The following SEZ6L variants were observed in gnomAD, a reference collection of about 807,000 sequenced individuals.
SEZ6L encodes seizure related 6 homolog like.
Under a neutral mutation model 106.2 loss-of-function variants are expected in SEZ6L, and 37 were observed. That is an observed-to-expected ratio of 0.35 (90% CI 0.27 to 0.46). SEZ6L has a LOEUF of 0.46. SEZ6L is among the 20% of genes least tolerant of loss of function. SEZ6L has a pLI of 1.00. For synonymous variants in SEZ6L, 541 were observed against 570.4 expected (o/e 0.95, Z 0.73); for missense variants, 1,172 against 1,332.8 (o/e 0.88, Z 1.88).
intron 9 of SEZ6L, among the ~76,000 whole-genome samples, chr22:26,316,729 G>A (rs539104969): frequency 6.6e-6 from 1 of 152,088 alleles, no homozygotes; most frequent in East Asian, 1.9e-4. Context: ...CTATTTGGGA[G>A]GCTGAGGCAA....
chr22:26,324,064 C>CCCCACA (rs1556349353), intron 9 of SEZ6L, among the ~76,000 whole-genome samples: 2 of 140,272 alleles, frequency 1.4e-5, no homozygotes, highest in East Asian at 4.2e-4. Flanking sequence ...CAGTTTTTAA[C>CCCCACA]CACACACACA....
In SEZ6L at chr22:26,316,505, G is replaced by A. The variant is rs1235385818; in HGVS notation, c.2015+2603G>A. 2.4e-4 allele frequency among the ~76,000 whole-genome samples: 37 copies of A among 151,564 alleles called. 2 individuals carry two copies. The highest frequency in any genetic ancestry group is 2.4e-3 in the Admixed American group (37 of 15,262). On this transcript the variant is annotated intron_variant, in intron 9 of 16. Coordinates refer to ENST00000248933, the MANE Select transcript of SEZ6L (RefSeq NM_021115.5). ...GAGGAAGTAGCTTCTATAATAGCAT[G>A]AAAGAGAAGGTAGGCAGGTGACGAG...
intron 8 of SEZ6L, 57 bp downstream of exon 8, chr22:26,312,019 T>C: frequency 6.5e-7 from 1 of 1,545,078 alleles, no homozygotes; most frequent in Admixed American, 1.7e-5. Context: ...ACCCTTTGGA[T>C]GAGAAGACCA....
rs1395035614 is a variant in SEZ6L at position 26,381,886 on chromosome 22, G to A, written c.*1591G>A. 1 of 408,186 alleles carries A rather than the reference G, an allele frequency of 2.4e-6. No individual in the cohort carries two copies. Among genetic ancestry groups the A allele is most frequent in the African/African-American group, 2.1e-5 (1 of 48,350 alleles). The allele number at this position is 408,186 out of a possible 1,614,324, so 25.3% of individuals were successfully genotyped here. ...CCCATTCTCTCTGGAATTGTTTCAA[G>A]TCTGCTGGTTTTCAAACAAGAAAAG... On this transcript the variant is annotated 3_prime_UTR_variant, in exon 17 of 17. Coordinates refer to ENST00000248933, the MANE Select transcript of SEZ6L (RefSeq NM_021115.5).
At chr22:26,339,122 C>A (rs2082743387) in intron 9 of SEZ6L, among the ~76,000 whole-genome samples, 1 of 152,160 alleles carries the variant, frequency 6.6e-6, no homozygotes, top group East Asian at 1.9e-4. Flanking sequence ...TTTGTCCTTA[C>A]TTTCTCTGTC....
intron 1 of SEZ6L, among the ~76,000 whole-genome samples, chr22:26,279,413 G>T (rs1034467930): frequency 6.6e-6 from 1 of 152,152 alleles, no homozygotes; most frequent in Non-Finnish European, 1.5e-5. Flanking sequence ...GACATTGGAG[G>T]TGTTGAATCA....
chr22:26,178,532 G>A (rs1471426091), intron 1 of SEZ6L, among the ~76,000 whole-genome samples: 1 of 152,304 alleles, frequency 6.6e-6, no homozygotes. Flanking sequence ...CTGGAGATTA[G>A]AACAAGGTAG....
At chr22:26,324,103 A>ACAC (rs1569463232) in intron 9 of SEZ6L, among the ~76,000 whole-genome samples, 190 of 83,372 alleles carry the variant, frequency 2.3e-3, no homozygotes, top group Admixed American at 4.4e-3. Flanking sequence ...CACACACACA[A>ACAC]ACACACACAC....
At chr22:26,316,908 A>AGAAAAG in intron 9 of SEZ6L, among the ~76,000 whole-genome samples, 1 of 151,678 alleles carries the variant, frequency 6.6e-6, no homozygotes, top group Admixed American at 6.6e-5. Flanking sequence ...GAAAGAAGAA[A>AGAAAAG]GAAAGAAAGA....
Position 26,278,776 on chromosome 22 carries a change from AGAAG to A in SEZ6L, c.95-13616_95-13613del, listed in dbSNP as rs761445185. Among the ~76,000 whole-genome samples, 275 of 151,732 alleles carry A rather than the reference AGAAG, an allele frequency of 1.8e-3. 2 individuals carry two copies. The highest frequency in any genetic ancestry group is 2.9e-3 in the Non-Finnish European group (197 of 67,888). ...AAAAGAAGGGGAAAGAAAGAAGGAA[AGAAG>A]GAAGGAAGGAAGGGAGGGAGGAAGG... On this transcript the variant is annotated intron_variant, in intron 1 of 16. Coordinates refer to ENST00000248933, the MANE Select transcript of SEZ6L (RefSeq NM_021115.5).
At chr22:26,321,891 G>T (rs984321913) in intron 9 of SEZ6L, among the ~76,000 whole-genome samples, 2 of 152,214 alleles carry the variant, frequency 1.3e-5, no homozygotes, top group East Asian at 1.9e-4. Context: ...GGCGAGAGGG[G>T]ATCTCTCTCC....
intron 1 of SEZ6L, among the ~76,000 whole-genome samples, chr22:26,182,361 C>G (rs1050761106): frequency 6.6e-6 from 1 of 152,152 alleles, no homozygotes; most frequent in African/African-American, 2.4e-5. Context: ...AGGTCCAAGG[C>G]CTGACTCTGC....
intron 13 of SEZ6L, among the ~76,000 whole-genome samples, chr22:26,371,005 C>CAAA (rs59911432): frequency 0.019 from 2,089 of 109,894 alleles, 79 homozygotes; most frequent in African/African-American, 0.067. Context: ...CCCTGTATCA[C>CAAA]AAAAAAAAAA....
At chr22:26,223,692 G>A (rs2078552135) in intron 1 of SEZ6L, among the ~76,000 whole-genome samples, 1 of 152,174 alleles carries the variant, frequency 6.6e-6, no homozygotes, top group Non-Finnish European at 1.5e-5. Flanking sequence ...AAGGATTATT[G>A]TGCATTTTAA....
intron 1 of SEZ6L, among the ~76,000 whole-genome samples, chr22:26,253,338 C>A (rs2079674103): frequency 6.6e-6 from 1 of 152,108 alleles, no homozygotes; most frequent in Non-Finnish European, 1.5e-5. Context: ...GCCTCTGGAA[C>A]CTTTATTGTT....
At chr22:26,249,610 G>A (rs1301481600) in intron 1 of SEZ6L, among the ~76,000 whole-genome samples, 4 of 151,958 alleles carry the variant, frequency 2.6e-5, no homozygotes, top group African/African-American at 9.7e-5. Context: ...TCTTCTCTTG[G>A]CTATTGTGAA....
rs377660752 is a variant in SEZ6L at position 26,336,128 on chromosome 22, T to C, written c.2016-4308T>C. ...AAGCCGTGCAATACTTGCCACCATG[T>C]GCCCATAATGACTTCCTACTGCAAG... is the stretch of plus-strand genomic sequence containing the variant. On this transcript the variant is annotated intron_variant, in intron 9 of 16. Transcript: ENST00000248933. 1.6e-4 allele frequency among the ~76,000 whole-genome samples: 25 copies of C among 152,324 alleles called. No homozygotes were observed. The East Asian group carries it at 4.4e-3, about 27-fold the overall frequency.
intron 1 of SEZ6L, among the ~76,000 whole-genome samples, chr22:26,223,614 AT>A (rs11313523): frequency 0.15 from 22,993 of 152,130 alleles, 1,938 homozygotes; most frequent in Middle Eastern, 0.23. Flanking sequence ...AGAAAAAAAA[AT>A]CCCTTCATTT....
intron 1 of SEZ6L, chr22:26,244,478 G>C (rs2079258569): frequency 1.3e-5 from 2 of 152,244 alleles, no homozygotes; most frequent in African/African-American, 4.8e-5. Context: ...TGCACACACA[G>C]CTCAGCCACA....
Sources: allele counts gnomAD v4.1 joint callset (sites outside exome capture counted in the v4.1 genomes callset), GRCh38; gene constraint gnomAD v4.1.1; transcripts MANE v1.5; gene names NCBI Gene and HGNC (gene_info 2026-07-23, HGNC 2026-07-21).